SNTB1: variants seen among roughly 807,000 people sequenced by gnomAD.
SNTB1 encodes the protein syntrophin beta 1.
Under a neutral mutation model 48.9 loss-of-function variants are expected in SNTB1, and 36 were observed. That is an observed-to-expected ratio of 0.74 (90% CI 0.56 to 0.97). SNTB1 has a LOEUF of 0.97. Among genes scored for constraint, SNTB1 ranks in the 50% least tolerant of loss-of-function variants. The pLI is 0.00. For missense variants in SNTB1, 786 were observed against 703.4 expected (o/e 1.12, Z -1.33); for synonymous variants, 299 against 294.6 (o/e 1.01, Z -0.15).
chr8:120,722,457 A>G (rs1818678446), intron 1 of SNTB1, among the ~76,000 whole-genome samples: 1 of 152,172 alleles, frequency 6.6e-6, no homozygotes, highest in Admixed American at 6.5e-5. Context: ...GTGAGATGGT[A>G]TCTCAGTGTG....
intron 1 of SNTB1, among the ~76,000 whole-genome samples, chr8:120,779,501 CAAAATAAAATGAAATAAAAT>C (rs1410985008): frequency 1.3e-5 from 2 of 150,822 alleles, no homozygotes; most frequent in African/African-American, 4.9e-5. Context: ...GACTCTGTCT[CAAAATAAAATGAAATAAAAT>C]AAAATAAAAT....
intron 1 of SNTB1, among the ~76,000 whole-genome samples, chr8:120,698,845 G>A (rs142783574): frequency 6.6e-6 from 1 of 152,092 alleles, no homozygotes; most frequent in Non-Finnish European, 1.5e-5. Context: ...AAAACTTCAT[G>A]GTTCTCTGTT....
chr8:120,712,560 T>C (rs1396760698), intron 1 of SNTB1, among the ~76,000 whole-genome samples: 1 of 152,170 alleles, frequency 6.6e-6, no homozygotes, highest in Non-Finnish European at 1.5e-5. Context: ...TTTATATGCA[T>C]TTTTTATATG....
intron 4 of SNTB1, among the ~76,000 whole-genome samples, chr8:120,553,034 G>C (rs746456076): frequency 2.0e-5 from 3 of 152,086 alleles, no homozygotes; most frequent in Admixed American, 1.3e-4. Context: ...CGAGCAATGG[G>C]GAGCGCTGTA....
intron 1 of SNTB1, among the ~76,000 whole-genome samples, chr8:120,705,420 A>G (rs903917483): frequency 1.3e-5 from 2 of 152,358 alleles, no homozygotes; most frequent in Middle Eastern, 3.4e-3. Flanking sequence ...ACAGGACTTA[A>G]TAACTGGGGA....
At chr8:120,558,650 C>T (rs1200824863) in intron 4 of SNTB1, among the ~76,000 whole-genome samples, 2 of 152,142 alleles carry the variant, frequency 1.3e-5, no homozygotes, top group Non-Finnish European at 2.9e-5. Context: ...AATTCAGATA[C>T]CTGGATTCAA....
Position 120,811,926 on chromosome 8 carries a change from C to G in SNTB1, c.-83G>C. The G allele has an allele frequency of 7.9e-7, 1 of 1,272,214 alleles. No homozygotes were observed. The highest frequency in any genetic ancestry group is 9.9e-7 in the Non-Finnish European group (1 of 1,010,368). The allele number at this position is 1,272,214 out of a possible 1,614,324, so 78.8% of individuals were successfully genotyped here. On this transcript the variant is annotated 5_prime_UTR_variant, in exon 1 of 7. Transcript: ENST00000517992. ...GTGGCCGGGGGGAGGACGCGGGGCC[C>G]GGGGGAGCGAGGAGAGTGCGTCCCG... is the stretch of plus-strand genomic sequence containing the variant.
In SNTB1 at chr8:120,644,604, A is replaced by G. The variant is rs1437605143; in HGVS notation, c.789-11953T>C. On this transcript the variant is annotated intron_variant, in intron 2 of 6. Transcript: ENST00000517992. ...TGGTTCCAAGTCTTTGCTATTGTGA[A>G]TAATGTCGCAATAAACATGCGTGTG... 2.6e-5 allele frequency among the ~76,000 whole-genome samples: 4 copies of G among 152,264 alleles called. 1 individual carries two copies. The highest frequency in any genetic ancestry group is 9.6e-5 in the African/African-American group (4 of 41,554).
At chr8:120,620,091 C>T (rs1023209161) in intron 3 of SNTB1, among the ~76,000 whole-genome samples, 3 of 151,398 alleles carry the variant, frequency 2.0e-5, no homozygotes, top group Admixed American at 6.6e-5. Flanking sequence ...TGTGTGTGTG[C>T]ACACACACAC....
At chr8:120,799,762 G>A (rs2130175277) in intron 1 of SNTB1, among the ~76,000 whole-genome samples, 1 of 152,056 alleles carries the variant, frequency 6.6e-6, no homozygotes, top group East Asian at 1.9e-4. Flanking sequence ...TAGTGACTTA[G>A]TGATTTTTTC....
chr8:120,560,282 A>G (rs1220296169), intron 4 of SNTB1, among the ~76,000 whole-genome samples: 1 of 152,206 alleles, frequency 6.6e-6, no homozygotes, highest in East Asian at 1.9e-4. Context: ...CAGGAGTTCG[A>G]GACCAGCCTG....
intron 1 of SNTB1, among the ~76,000 whole-genome samples, chr8:120,724,849 A>C (rs2129959464): frequency 6.6e-6 from 1 of 152,264 alleles, no homozygotes; most frequent in Middle Eastern, 3.4e-3. Context: ...TGTGGGTGAA[A>C]TGCACAAGGC....
At chr8:120,625,799 G>A (rs543806051) in intron 3 of SNTB1, among the ~76,000 whole-genome samples, 1 of 152,244 alleles carries the variant, frequency 6.6e-6, no homozygotes, top group Admixed American at 6.5e-5. Context: ...CTTGATTTAG[G>A]GATGATGCAA....
intron 1 of SNTB1, among the ~76,000 whole-genome samples, chr8:120,797,182 A>G (rs1244679276): frequency 2.0e-5 from 3 of 152,048 alleles, no homozygotes; most frequent in Non-Finnish European, 4.4e-5. Context: ...CCGTACAAAA[A>G]CACGGTGTCC....
chr8:120,586,458 C>T (rs906909173), intron 3 of SNTB1, among the ~76,000 whole-genome samples: 5 of 152,174 alleles, frequency 3.3e-5, no homozygotes, highest in African/African-American at 1.2e-4. Flanking sequence ...GGGTCCCCCA[C>T]ATTCCTTGGC....
At chr8:120,584,666 C>G (rs1816108975) in intron 3 of SNTB1, among the ~76,000 whole-genome samples, 1 of 151,900 alleles carries the variant, frequency 6.6e-6, no homozygotes, top group East Asian at 1.9e-4. Flanking sequence ...ACTGTGTTCC[C>G]CCAAATTCAT....
chr8:120,752,162 T>A (rs1326672235), intron 1 of SNTB1, among the ~76,000 whole-genome samples: 2 of 152,096 alleles, frequency 1.3e-5, no homozygotes, highest in African/African-American at 4.8e-5. Context: ...ATGTGGTTCA[T>A]TAGGCCAAAA....
At chr8:120,689,994 T>G (rs1469878734) in intron 2 of SNTB1, among the ~76,000 whole-genome samples, 1 of 152,212 alleles carries the variant, frequency 6.6e-6, no homozygotes, top group Non-Finnish European at 1.5e-5. Flanking sequence ...GTTTGGGTCT[T>G]CCATATAATT....
intron 3 of SNTB1, among the ~76,000 whole-genome samples, chr8:120,614,122 C>A (rs1013952473): frequency 2.0e-5 from 3 of 152,142 alleles, no homozygotes; most frequent in Admixed American, 2.0e-4. Flanking sequence ...CAGCAGGCAT[C>A]CTTCTTTCTC....
Sources: allele counts gnomAD v4.1 joint callset (sites outside exome capture counted in the v4.1 genomes callset), GRCh38; gene constraint gnomAD v4.1.1; transcripts MANE v1.5; gene names NCBI Gene and HGNC (gene_info 2026-07-23, HGNC 2026-07-21).